The following COL24A1 variants were observed in gnomAD, a reference collection of about 807,000 sequenced individuals.
COL24A1 encodes the protein collagen alpha-1(XXIV) chain.
Under a neutral mutation model 253.9 loss-of-function variants are expected in COL24A1, and 224 were observed. That is an observed-to-expected ratio of 0.88 (90% CI 0.79 to 0.99). COL24A1 has a LOEUF of 0.99. COL24A1 is among the 50% of genes least tolerant of loss of function. The pLI is 0.00. For synonymous variants in COL24A1, 685 were observed against 673.7 expected (o/e 1.02, Z -0.26); for missense variants, 2,131 against 2,068.5 (o/e 1.03, Z -0.59).
chr1:85,978,663 C>A (rs1233665543), intron 20 of COL24A1, among the ~76,000 whole-genome samples: 6 of 152,046 alleles, frequency 3.9e-5, no homozygotes. Flanking sequence ...ATATATGCAC[C>A]TAACACTGGA....
intron 3 of COL24A1, among the ~76,000 whole-genome samples, chr1:86,119,848 T>C (rs1431729713): frequency 6.6e-6 from 1 of 151,274 alleles, no homozygotes; most frequent in Non-Finnish European, 1.5e-5. Flanking sequence ...AAAATAAATT[T>C]AAAGAACAAA....
intron 2 of COL24A1, among the ~76,000 whole-genome samples, chr1:86,135,250 C>T (rs946922378): frequency 5.5e-4 from 84 of 152,038 alleles, no homozygotes; most frequent in Non-Finnish European, 1.0e-3. Flanking sequence ...TGTCTCTGCA[C>T]GTGAGATGGG....
intron 19 of COL24A1, 57 bp downstream of exon 19, chr1:86,017,094 C>G (rs1697062310): frequency 1.4e-6 from 2 of 1,452,002 alleles, no homozygotes; most frequent in Non-Finnish European, 1.9e-6. Context: ...TTTTATCAAA[C>G]AAGTTTAATT....
chr1:86,113,134 T>C (rs1038411720), intron 4 of COL24A1, among the ~76,000 whole-genome samples: 1 of 152,242 alleles, frequency 6.6e-6, no homozygotes, highest in African/African-American at 2.4e-5. Context: ...AATTATATAA[T>C]CTGAATTCAA....
At chr1:86,020,622 T>C (rs1168336155) in intron 18 of COL24A1, among the ~76,000 whole-genome samples, 1 of 152,186 alleles carries the variant, frequency 6.6e-6, no homozygotes, top group Non-Finnish European at 1.5e-5. Flanking sequence ...CACAAAAAAA[T>C]ACTTATATTA....
chr1:86,121,263 A>T (rs1045151071), intron 3 of COL24A1, among the ~76,000 whole-genome samples: 1 of 149,478 alleles, frequency 6.7e-6, no homozygotes, highest in African/African-American at 2.5e-5. Context: ...CACATTGTGC[A>T]CATGTACCCT....
chr1:85,861,879 G>C (rs1286030047), intron 37 of COL24A1, among the ~76,000 whole-genome samples: 2 of 152,120 alleles, frequency 1.3e-5, no homozygotes, highest in Non-Finnish European at 2.9e-5. Context: ...TGCTGCAGCT[G>C]TAATACCCTT....
At chr1:86,113,187 T>C (rs1473993819) in intron 4 of COL24A1, among the ~76,000 whole-genome samples, 1 of 152,250 alleles carries the variant, frequency 6.6e-6, no homozygotes, top group African/African-American at 2.4e-5. Context: ...TGCTAGGAAC[T>C]GTGTTGATGT....
At chr1:85,764,443 C>T (rs1667148090) in intron 53 of COL24A1, among the ~76,000 whole-genome samples, 1 of 144,758 alleles carries the variant, frequency 6.9e-6, no homozygotes, top group African/African-American at 2.6e-5. Context: ...TACTCTTGAT[C>T]TAGGTGGAGG....
chr1:85,868,755 A>T, intron 36 of COL24A1, 27 bp downstream of exon 36: 1 of 1,456,178 alleles, frequency 6.9e-7, no homozygotes, highest in Non-Finnish European at 9.3e-7. Flanking sequence ...CATCTATTTT[A>T]TATATAATCT....
intron 24 of COL24A1, among the ~76,000 whole-genome samples, chr1:85,941,141 G>GGAATGTTAAGA (rs1553235542): frequency 6.6e-6 from 1 of 152,102 alleles, no homozygotes; most frequent in African/African-American, 2.4e-5. Flanking sequence ...ATAACTAGCA[G>GGAATGTTAAGA]GAATGTTAAG....
At chr1:85,944,745 C>G (rs1248686589) in intron 24 of COL24A1, among the ~76,000 whole-genome samples, 1 of 152,038 alleles carries the variant, frequency 6.6e-6, no homozygotes, top group Admixed American at 6.6e-5. Flanking sequence ...CTATCCCTCC[C>G]CCATTCCCCG....
At chr1:86,092,587 T>C (rs757823612) in intron 5 of COL24A1, among the ~76,000 whole-genome samples, 23 of 151,926 alleles carry the variant, frequency 1.5e-4, no homozygotes, top group Non-Finnish European at 3.1e-4. Flanking sequence ...TATTGAAACA[T>C]TTTTCTTGAA....
chr1:86,083,002 A>G, intron 7 of COL24A1, among the ~76,000 whole-genome samples: 1 of 152,142 alleles, frequency 6.6e-6, no homozygotes, highest in South Asian at 2.1e-4. Context: ...TCTGAATTTT[A>G]AAGACAGTAA....
At chr1:85,874,628 G>C in intron 35 of COL24A1, 21 bp downstream of exon 35, 1 of 1,610,220 alleles carries the variant, frequency 6.2e-7, no homozygotes, top group Non-Finnish European at 8.5e-7. Flanking sequence ...TGTATTAAAA[G>C]AGTTTCAAGG....
At position 86,126,564 on chromosome 1, in the gene COL24A1, C is replaced by T. The variant is rs142261650; in HGVS notation, c.122-350G>A. ...TATAGCTCACTGCAGCCTTGATATC[C>T]GGGGCTCAAAGGATCCTCCCACCTC... is the stretch of plus-strand genomic sequence containing the variant. On this transcript the variant is annotated intron_variant, in intron 2 of 59. Coordinates refer to ENST00000370571, the MANE Select transcript of COL24A1 (RefSeq NM_152890.7). 3.4e-4 allele frequency among the ~76,000 whole-genome samples: 51 copies of T among 152,064 alleles called. 1 individual carries two copies. The East Asian group carries it at 8.0e-3, about 24-fold the overall frequency.
chr1:86,105,348 A>T (rs1704869700), intron 5 of COL24A1, among the ~76,000 whole-genome samples: 2 of 152,164 alleles, frequency 1.3e-5, no homozygotes, highest in South Asian at 4.1e-4. Context: ...GAACCTGGGG[A>T]TGCTGCAGTG....
intron 37 of COL24A1, among the ~76,000 whole-genome samples, chr1:85,849,935 A>C (rs548656421): frequency 6.6e-6 from 1 of 152,250 alleles, no homozygotes; most frequent in South Asian, 2.1e-4. Context: ...GGAAAATTTC[A>C]ATGTGTCTAG....
intron 37 of COL24A1, among the ~76,000 whole-genome samples, chr1:85,856,555 A>G (rs1270188211): frequency 6.6e-6 from 1 of 152,090 alleles, no homozygotes; most frequent in Non-Finnish European, 1.5e-5. Context: ...TTCTCACTCC[A>G]TCACTGACTT....
Sources: gnomAD v4.1 joint callset for allele counts (sites outside exome capture counted in the v4.1 genomes callset) on GRCh38, gnomAD v4.1.1 for gene constraint, MANE v1.5 for transcripts, NCBI Gene and HGNC (gene_info 2026-07-23, HGNC 2026-07-21) for gene names.